The following FOXP2 variants were observed in gnomAD, a reference collection of about 807,000 sequenced individuals.
FOXP2 encodes forkhead box protein P2.
In FOXP2, 12 loss-of-function variants were observed where a neutral mutation model predicts 115.8. The ratio of observed to expected loss-of-function variants is 0.10; its 90% CI spans 0.07 to 0.17. The LOEUF (loss-of-function observed/expected upper bound fraction) is 0.17, where lower values mean the gene tolerates loss of function less well. Ranked by LOEUF, FOXP2 falls within the 10% of genes least tolerant of loss-of-function variation. FOXP2 has a pLI of 1.00. For missense variants in FOXP2, 629 were observed against 843.5 expected (o/e 0.75, Z 3.15); for synonymous variants, 328 against 297.7 (o/e 1.10, Z -1.05).
At chr7:114,154,113 C>A (rs182714777) in intron 1 of FOXP2, among the ~76,000 whole-genome samples, 24 of 152,174 alleles carry the variant, frequency 1.6e-4, no homozygotes, top group Middle Eastern at 3.4e-3. Flanking sequence ...GGATAAAGTT[C>A]TTTTATTGCA....
chr7:114,496,403 A>G (rs1016188398), intron 2 of FOXP2, among the ~76,000 whole-genome samples: 35 of 152,166 alleles, frequency 2.3e-4, no homozygotes, highest in African/African-American at 7.7e-4. Context: ...TTAGACTTGT[A>G]AGGATGAAAT....
intron 10 of FOXP2, among the ~76,000 whole-genome samples, chr7:114,655,561 T>C (rs1806541416): frequency 6.6e-6 from 1 of 152,088 alleles, no homozygotes; most frequent in Non-Finnish European, 1.5e-5. Flanking sequence ...TGGCCTCAGA[T>C]CGGTTTGAAA....
Position 114,664,447 on chromosome 7 carries a change from T to G in FOXP2, c.2003+11T>G. 9 of 1,613,248 alleles carry G rather than the reference T, an allele frequency of 5.6e-6. No homozygotes were observed. Among genetic ancestry groups the G allele is most frequent in the Non-Finnish European group, 7.6e-6 (9 of 1,179,530 alleles). On this transcript the variant is annotated intron_variant, in intron 16 of 16. Coordinates refer to ENST00000350908, the MANE Select transcript of FOXP2 (RefSeq NM_014491.4). Reference sequence around the variant, plus strand: ...ACCTCAGCCGCACATGTAAGTGTGGTTAACAGACTCTCTAAAGGGAAGAAT... The same window carrying G: ...ACCTCAGCCGCACATGTAAGTGTGGGTAACAGACTCTCTAAAGGGAAGAAT...
chr7:114,415,809 A>T (rs1325269121), intron 1 of FOXP2, among the ~76,000 whole-genome samples: 1 of 151,772 alleles, frequency 6.6e-6, no homozygotes, highest in African/African-American at 2.4e-5. Context: ...TGTAGAGCAG[A>T]TGTTTATTTT....
chr7:114,533,607 T>C (rs984833936), intron 2 of FOXP2, among the ~76,000 whole-genome samples: 8 of 151,956 alleles, frequency 5.3e-5, no homozygotes, highest in African/African-American at 1.7e-4. Context: ...GAAAAATTTA[T>C]CTTGTATTCA....
chr7:114,104,493 G>T (rs758181523), intron 1 of FOXP2, among the ~76,000 whole-genome samples: 2 of 151,942 alleles, frequency 1.3e-5, no homozygotes, highest in Non-Finnish European at 2.9e-5. Flanking sequence ...AAATACTGTT[G>T]ATAGCATAGG....
intron 1 of FOXP2, among the ~76,000 whole-genome samples, chr7:114,187,208 C>T (rs568959181): frequency 6.6e-6 from 1 of 152,238 alleles, no homozygotes; most frequent in South Asian, 2.1e-4. Context: ...TCTTTGTGTT[C>T]TTTCTTATTT....
chr7:114,630,095 A>G, intron 5 of FOXP2, 90 bp downstream of exon 5: 1 of 1,596,590 alleles, frequency 6.3e-7, no homozygotes, highest in Non-Finnish European at 8.5e-7. Context: ...TTCCTATAAC[A>G]AGGCTCTTGC....
chr7:114,652,914 G>A (rs754143977), intron 9 of FOXP2, among the ~76,000 whole-genome samples: 2 of 152,050 alleles, frequency 1.3e-5, no homozygotes, highest in Non-Finnish European at 2.9e-5. Context: ...AATTTGGCCA[G>A]AAGTAAATAG....
chr7:114,463,523 T>C lies in FOXP2; in HGVS notation c.168+36844T>C, dbSNP rs1393482188. Among the ~76,000 whole-genome samples the C allele has an allele frequency of 2.0e-5, 3 of 152,136 alleles. 1 individual carries two copies. The South Asian group carries it at 6.2e-4, about 31-fold the overall frequency. Reference sequence around the variant, plus strand: ...TGGCAAACATGTTGAACAGTGAAGATCAAGACCATTTAAAATGTATTTGAT... The same window carrying C: ...TGGCAAACATGTTGAACAGTGAAGACCAAGACCATTTAAAATGTATTTGAT... On this transcript the variant is annotated intron_variant, in intron 2 of 16. Coordinates refer to ENST00000350908, the MANE Select transcript of FOXP2 (RefSeq NM_014491.4).
chr7:114,192,319 C>G (rs760348038), intron 1 of FOXP2, among the ~76,000 whole-genome samples: 1 of 152,082 alleles, frequency 6.6e-6, no homozygotes, highest in Non-Finnish European at 1.5e-5. Context: ...TAGATCACTT[C>G]TTTTTATTGT....
chr7:114,095,439 G>A (rs779697571), intron 1 of FOXP2, among the ~76,000 whole-genome samples: 16 of 151,654 alleles, frequency 1.1e-4, no homozygotes, highest in Non-Finnish European at 1.5e-5. Context: ...AAAGGGCTGA[G>A]TTAAATTTTT....
intron 2 of FOXP2, among the ~76,000 whole-genome samples, chr7:114,387,643 A>G (rs2129193442): frequency 6.6e-6 from 1 of 152,334 alleles, no homozygotes; most frequent in South Asian, 2.1e-4. Context: ...ATAGACACAC[A>G]AAACAACTTT....
intron 1 of FOXP2, among the ~76,000 whole-genome samples, chr7:114,146,538 G>GGA (rs1222872834): frequency 1.3e-5 from 2 of 152,182 alleles, no homozygotes; most frequent in Non-Finnish European, 2.9e-5. Flanking sequence ...AGAAAAGAAA[G>GGA]GAGAGAGATC....
chr7:114,307,820 G>T lies in FOXP2; in HGVS notation c.-11+19711G>T, dbSNP rs566056513. Among the ~76,000 whole-genome samples, 34 of 152,276 alleles carry T rather than the reference G, an allele frequency of 2.2e-4. No homozygotes were observed. In the Middle Eastern group the frequency reaches 0.01, roughly 46 times the overall value. ...TAGGAGTTGCCAAAGATGGCATCAG[G>T]CACAACAAAGTAGTTTAGGTCTCAT... On this transcript the variant is annotated intron_variant, in intron 2 of 17. Coordinates refer to the FOXP2 transcript ENST00000634411.
At chr7:114,172,059 G>C (rs544189473) in intron 1 of FOXP2, among the ~76,000 whole-genome samples, 55 of 152,256 alleles carry the variant, frequency 3.6e-4, no homozygotes, top group African/African-American at 1.2e-3. Flanking sequence ...GTGAGGAATT[G>C]CTTCCTAAGG....
intron 1 of FOXP2, among the ~76,000 whole-genome samples, chr7:114,110,162 G>T (rs574773499): frequency 1.3e-5 from 2 of 152,092 alleles, no homozygotes; most frequent in African/African-American, 2.4e-5. Flanking sequence ...ATCATTATGT[G>T]TGCTAGCCCT....
chr7:114,462,722 T>C (rs1229951701), intron 2 of FOXP2, among the ~76,000 whole-genome samples: 1 of 152,166 alleles, frequency 6.6e-6, no homozygotes, highest in African/African-American at 2.4e-5. Flanking sequence ...TATTTTCCTT[T>C]TGAGTTGAAA....
chr7:114,211,180 G>A (rs1419521174), intron 1 of FOXP2, among the ~76,000 whole-genome samples: 1 of 152,200 alleles, frequency 6.6e-6, no homozygotes, highest in African/African-American at 2.4e-5. Flanking sequence ...TTGGCTCCCT[G>A]TATTCAGCCC....
Sources: gnomAD v4.1 joint callset for allele counts (sites outside exome capture counted in the v4.1 genomes callset) on GRCh38, gnomAD v4.1.1 for gene constraint, MANE v1.5 for transcripts, NCBI Gene and HGNC (gene_info 2026-07-23, HGNC 2026-07-21) for gene names.